Variants in TSPAN15 observed in about 807,000 individuals in gnomAD.
TSPAN15 encodes tetraspanin-15.
Under a neutral mutation model 34.5 loss-of-function variants are expected in TSPAN15, and 20 were observed. That is an observed-to-expected ratio of 0.58 (90% CI 0.41 to 0.84). The LOEUF (loss-of-function observed/expected upper bound fraction) is 0.84. TSPAN15 is among the 40% of genes least tolerant of loss of function. The pLI, the probability that TSPAN15 is intolerant of heterozygous loss-of-function variation, is 0.00. For synonymous variants in TSPAN15, 155 were observed against 153.9 expected (o/e 1.01, Z -0.05); for missense variants, 313 against 386.1 (o/e 0.81, Z 1.59).
the TSPAN15 span, among the ~76,000 whole-genome samples, chr10:69,531,553 T>C: frequency 6.6e-6 from 1 of 152,090 alleles, no homozygotes; most frequent in Non-Finnish European, 1.5e-5. Flanking sequence ...GAGACATGAT[T>C]GTGCCACTGC....
At chr10:69,522,449 T>TA in the TSPAN15 span, among the ~76,000 whole-genome samples, 2 of 146,202 alleles carry the variant, frequency 1.4e-5, no homozygotes, top group African/African-American at 5.0e-5. Context: ...ATTGCTTTTT[T>TA]TTTTTATTGT....
At chr10:69,512,085 TA>T (rs199598780), downstream of TSPAN15, among the ~76,000 whole-genome samples, 14 of 151,346 alleles carry the variant, frequency 9.3e-5, no homozygotes, top group Non-Finnish European at 1.6e-4. Context: ...ACTTAAAGTA[TA>T]AAAAAAAATG....
At chr10:69,458,949 C>T (rs1841177341) in intron 1 of TSPAN15, among the ~76,000 whole-genome samples, 1 of 152,010 alleles carries the variant, frequency 6.6e-6, no homozygotes, top group South Asian at 2.1e-4. Flanking sequence ...GCCTTTCTTC[C>T]CAGGTGACTC....
intron 1 of TSPAN15, among the ~76,000 whole-genome samples, chr10:69,465,476 T>A (rs1000290173): frequency 1.6e-4 from 25 of 152,242 alleles, no homozygotes; most frequent in African/African-American, 5.8e-4. Flanking sequence ...GGGTTGTGCC[T>A]TCTGCATCCT....
At chr10:69,517,744 A>G in the TSPAN15 span, among the ~76,000 whole-genome samples, 1 of 152,166 alleles carries the variant, frequency 6.6e-6, no homozygotes, top group Non-Finnish European at 1.5e-5. Context: ...CACACGCCCC[A>G]ATATCCCTGC....
At chr10:69,517,886 G>A in the TSPAN15 span, among the ~76,000 whole-genome samples, 1 of 152,200 alleles carries the variant, frequency 6.6e-6, no homozygotes. Flanking sequence ...TGGGCCCATG[G>A]GAAAGGGGGT....
At chr10:69,461,208 C>G (rs748298191) in intron 1 of TSPAN15, among the ~76,000 whole-genome samples, 1 of 152,300 alleles carries the variant, frequency 6.6e-6, no homozygotes, top group African/African-American at 2.4e-5. Context: ...GAGACTAAGG[C>G]CCTGAGCGGG....
At chr10:69,455,626 C>CTCT (rs1491105874) in intron 1 of TSPAN15, among the ~76,000 whole-genome samples, 6 of 45,142 alleles carry the variant, frequency 1.3e-4, no homozygotes, top group African/African-American at 4.9e-4. Context: ...CTCTCTCTCT[C>CTCT]CCCCCCCCGT....
At chr10:69,539,401 GAGGAAGAGGAAGAGGAAGAAGAAGAAAGA>G in the TSPAN15 span, among the ~76,000 whole-genome samples, 4 of 146,738 alleles carry the variant, frequency 2.7e-5, 1 homozygote, top group Non-Finnish European at 3.0e-5. Context: ...AGAGGAAGAA[GAGGAAGAGGAAGAGGAAGAAGAAGAAAGA>G]AGAAGAAGAA....
chr10:69,522,249 T>A, the TSPAN15 span, among the ~76,000 whole-genome samples: 1 of 145,482 alleles, frequency 6.9e-6, no homozygotes, highest in Non-Finnish European at 1.5e-5. Context: ...TCATCCCAGC[T>A]ACTGGGGAGG....
chr10:69,456,494 C>T (rs1307058635), intron 1 of TSPAN15, among the ~76,000 whole-genome samples: 3 of 152,006 alleles, frequency 2.0e-5, no homozygotes, highest in Non-Finnish European at 4.4e-5. Flanking sequence ...AATATGCACG[C>T]CTTTAAATTT....
At chr10:69,464,875 C>A (rs186345671) in intron 1 of TSPAN15, among the ~76,000 whole-genome samples, 1 of 152,368 alleles carries the variant, frequency 6.6e-6, no homozygotes, top group East Asian at 1.9e-4. Flanking sequence ...AAACCAGGAG[C>A]TTCCTCTCCA....
chr10:69,494,342 A>G (rs181362617), intron 3 of TSPAN15, among the ~76,000 whole-genome samples: 108 of 152,356 alleles, frequency 7.1e-4, no homozygotes, highest in African/African-American at 2.5e-3. Context: ...AATCTTGAAT[A>G]ATAACACCAG....
At chr10:69,494,971 ATTGTC>A in intron 3 of TSPAN15, 1 of 706,858 alleles carries the variant, frequency 1.4e-6, no homozygotes, top group Non-Finnish European at 1.7e-6. Flanking sequence ...CCCGGCAGGG[ATTGTC>A]CCAGCCCTAG....
chr10:69,509,674 A>G (rs959148896), downstream of TSPAN15, among the ~76,000 whole-genome samples: 2 of 152,098 alleles, frequency 1.3e-5, no homozygotes, highest in African/African-American at 4.8e-5. Flanking sequence ...TATGTCCTGA[A>G]TGGTATTGCC....
chr10:69,543,563 C>T, the TSPAN15 span, among the ~76,000 whole-genome samples: 1 of 152,096 alleles, frequency 6.6e-6, no homozygotes, highest in Admixed American at 6.5e-5. Context: ...GCTGGGCACA[C>T]TTGTAGGTGG....
At chr10:69,485,694 T>C (rs73275769) in intron 3 of TSPAN15, among the ~76,000 whole-genome samples, 5,055 of 151,962 alleles carry the variant, frequency 0.033, 277 homozygotes, top group African/African-American at 0.12. Context: ...TGTGACCCAG[T>C]TTATATTGTA....
chr10:69,477,287 A>G (rs147123954), intron 1 of TSPAN15, among the ~76,000 whole-genome samples: 1 of 152,064 alleles, frequency 6.6e-6, no homozygotes, highest in South Asian at 2.1e-4. Flanking sequence ...GGTGCACGCC[A>G]CCACACCCAG....
intron 1 of TSPAN15, among the ~76,000 whole-genome samples, chr10:69,468,310 C>T (rs1841432176): frequency 6.6e-6 from 1 of 152,120 alleles, no homozygotes; most frequent in African/African-American, 2.4e-5. Flanking sequence ...CCCGGTGTGC[C>T]CTGGTGTGGC....
Sources: gnomAD v4.1 joint callset for allele counts (sites outside exome capture counted in the v4.1 genomes callset) on GRCh38, gnomAD v4.1.1 for gene constraint, MANE v1.5 for transcripts, NCBI Gene and HGNC (gene_info 2026-07-23, HGNC 2026-07-21) for gene names.